Variants in KCNIP4 observed in about 807,000 individuals in gnomAD.
KCNIP4 encodes Kv channel-interacting protein 4.
KCNIP4 carries 12 observed loss-of-function variants against 34.0 expected under a neutral mutation model. The ratio of observed to expected loss-of-function variants is 0.35; its 90% CI spans 0.23 to 0.57. The LOEUF (loss-of-function observed/expected upper bound fraction) is 0.57, where lower values mean the gene tolerates loss of function less well. Ranked by LOEUF, KCNIP4 falls within the 20% of genes least tolerant of loss-of-function variation. The pLI is 0.83. For synonymous variants in KCNIP4, 124 were observed against 102.2 expected (o/e 1.21, Z -1.29); for missense variants, 238 against 311.7 (o/e 0.76, Z 1.78).
chr4:21,703,753 A>G (rs1713048577), intron 1 of KCNIP4, among the ~76,000 whole-genome samples: 1 of 152,230 alleles, frequency 6.6e-6, no homozygotes, highest in Non-Finnish European at 1.5e-5. Flanking sequence ...GATGATTTAA[A>G]TAAAACATAG....
At chr4:21,695,637 A>G (rs1712228936) in intron 1 of KCNIP4, among the ~76,000 whole-genome samples, 1 of 152,070 alleles carries the variant, frequency 6.6e-6, no homozygotes, top group Non-Finnish European at 1.5e-5. Flanking sequence ...ACCACTTACC[A>G]TTTTCGTAAA....
intron 1 of KCNIP4, among the ~76,000 whole-genome samples, chr4:20,914,999 A>T (rs1367499604): frequency 6.6e-6 from 1 of 152,220 alleles, no homozygotes; most frequent in Non-Finnish European, 1.5e-5. Context: ...AAGAATGCTT[A>T]CACAACCTTG....
intron 1 of KCNIP4, among the ~76,000 whole-genome samples, chr4:21,516,878 C>T (rs963916359): frequency 6.6e-6 from 1 of 152,040 alleles, no homozygotes; most frequent in Admixed American, 6.6e-5. Context: ...AAACATGAAG[C>T]TGTGTCTGGG....
chr4:21,043,837 G>T (rs562620457), intron 1 of KCNIP4, among the ~76,000 whole-genome samples: 3 of 152,300 alleles, frequency 2.0e-5, no homozygotes, highest in Non-Finnish European at 4.4e-5. Context: ...GCTGAAGCAT[G>T]AAAGAGGAAA....
At chr4:21,505,938 A>C (rs13102601) in intron 1 of KCNIP4, among the ~76,000 whole-genome samples, 25,866 of 152,038 alleles carry the variant, frequency 0.17, 2,406 homozygotes, top group Non-Finnish European at 0.21. Context: ...CCCCATCTCT[A>C]CTAAAAATAC....
chr4:21,321,017 G>T (rs893457514), intron 1 of KCNIP4, among the ~76,000 whole-genome samples: 50 of 146,462 alleles, frequency 3.4e-4, no homozygotes, highest in African/African-American at 1.2e-3. Context: ...TTAGCTGAAA[G>T]GTCATGAATT....
chr4:21,871,494 G>A (rs1725808911), intron 1 of KCNIP4, among the ~76,000 whole-genome samples: 1 of 151,640 alleles, frequency 6.6e-6, no homozygotes, highest in Non-Finnish European at 1.5e-5. Context: ...CCTTTGTAGG[G>A]ACATGGATGA....
intron 1 of KCNIP4, among the ~76,000 whole-genome samples, chr4:20,975,285 G>A (rs1735369570): frequency 6.6e-6 from 1 of 152,174 alleles, no homozygotes; most frequent in African/African-American, 2.4e-5. Flanking sequence ...AAGGCTCAAT[G>A]TAGTGCAACA....
chr4:21,519,195 T>C (rs773099716), intron 1 of KCNIP4, among the ~76,000 whole-genome samples: 1 of 151,928 alleles, frequency 6.6e-6, no homozygotes, highest in Non-Finnish European at 1.5e-5. Flanking sequence ...TGAATGCGAT[T>C]AATGCCCTTA....
chr4:21,085,140 G>C (rs1420343136), intron 1 of KCNIP4, among the ~76,000 whole-genome samples: 1 of 152,088 alleles, frequency 6.6e-6, no homozygotes, highest in Non-Finnish European at 1.5e-5. Context: ...GTGGAGGTGG[G>C]ATCTTTGGGA....
chr4:20,749,728 A>C lies in KCNIP4; in HGVS notation c.363T>G (p.Ser121=). 1 of 1,604,130 alleles carries C rather than the reference A, an allele frequency of 6.2e-7. No individual in the cohort carries two copies. Among genetic ancestry groups the C allele is most frequent in the Non-Finnish European group, 8.5e-7 (1 of 1,172,536 alleles). ...TGAACAGAAAATGTGCATATGTTGT[A>C]GAGTCTGAAATGGTAAAAAGGGAGT... The part of the protein sequence containing the change: ...IYSQFFPQGD[S]TTYAHFLFNA... Residue 121 remains serine, a synonymous_variant, in exon 5 of 9, where the codon TCT becomes TCG. Transcript: ENST00000382152.
intron 1 of KCNIP4, among the ~76,000 whole-genome samples, chr4:21,785,552 C>A (rs58711750): frequency 0.12 from 18,284 of 151,526 alleles, 3,357 homozygotes; most frequent in African/African-American, 0.39. Context: ...AGATTGCACC[C>A]CTGCACTCCA....
At chr4:20,823,099 C>T (rs969385181) in intron 3 of KCNIP4, among the ~76,000 whole-genome samples, 1 of 152,036 alleles carries the variant, frequency 6.6e-6, no homozygotes, top group Non-Finnish European at 1.5e-5. Flanking sequence ...GCTGCTATAA[C>T]AAAATACTTT....
At chr4:21,687,834 C>A (rs1292184986) in intron 1 of KCNIP4, among the ~76,000 whole-genome samples, 1 of 152,152 alleles carries the variant, frequency 6.6e-6, no homozygotes, top group African/African-American at 2.4e-5. Flanking sequence ...TAGGTGATAT[C>A]TGAGCTGAGA....
chr4:21,009,306 A>G (rs903059479), intron 1 of KCNIP4, among the ~76,000 whole-genome samples: 1 of 152,236 alleles, frequency 6.6e-6, no homozygotes, highest in African/African-American at 2.4e-5. Flanking sequence ...ATAAAATTTC[A>G]GGATGGATTT....
At chr4:21,410,867 G>A (rs1437302658) in intron 1 of KCNIP4, among the ~76,000 whole-genome samples, 2 of 152,258 alleles carry the variant, frequency 1.3e-5, no homozygotes, top group Middle Eastern at 3.4e-3. Flanking sequence ...AGTGGCAAAT[G>A]TTGGGATGAG....
intron 1 of KCNIP4, among the ~76,000 whole-genome samples, chr4:21,833,178 A>C (rs956913034): frequency 2.6e-5 from 4 of 151,478 alleles, no homozygotes; most frequent in Non-Finnish European, 5.9e-5. Flanking sequence ...TGACTTCCAC[A>C]ATGGTTGAAC....
intron 3 of KCNIP4, among the ~76,000 whole-genome samples, chr4:20,788,196 T>C (rs966055400): frequency 1.3e-5 from 2 of 152,144 alleles, no homozygotes; most frequent in African/African-American, 4.8e-5. Context: ...GTATTTTAAA[T>C]GGATTAATTA....
intron 1 of KCNIP4, among the ~76,000 whole-genome samples, chr4:21,498,204 A>T (rs78713816): frequency 0.063 from 9,592 of 152,264 alleles, 372 homozygotes; most frequent in Admixed American, 0.07. Flanking sequence ...TAGAAAACTA[A>T]TACGAAAGAA....
Sources: allele counts gnomAD v4.1 joint callset (sites outside exome capture counted in the v4.1 genomes callset), GRCh38; gene constraint gnomAD v4.1.1; transcripts MANE v1.5; gene names NCBI Gene and HGNC (gene_info 2026-07-23, HGNC 2026-07-21).